The following KCNMA1 variants were observed in gnomAD, a reference collection of about 807,000 sequenced individuals.
KCNMA1 encodes the protein Calcium-activated potassium channel subunit alpha-1.
A neutral mutation model predicts 140.0 loss-of-function variants in KCNMA1; 29 were observed. The ratio of observed to expected loss-of-function variants is 0.21; its 90% CI spans 0.15 to 0.28. The LOEUF is 0.28. Ranked by LOEUF, KCNMA1 falls within the 10% of genes least tolerant of loss-of-function variation. The pLI, the probability that KCNMA1 is intolerant of heterozygous loss-of-function variation, is 1.00. For synonymous variants in KCNMA1, 612 were observed against 611.9 expected (o/e 1.00, Z 0.00); for missense variants, 880 against 1,602.2 (o/e 0.55, Z 7.70).
At chr10:77,128,694 C>T (rs970641995) in intron 5 of KCNMA1, among the ~76,000 whole-genome samples, 66 of 152,218 alleles carry the variant, frequency 4.3e-4, no homozygotes, top group African/African-American at 1.6e-3. Flanking sequence ...CACAACGACT[C>T]AACTTTGCTG....
intron 1 of KCNMA1, 62 bp from the exon 2 acceptor site, chr10:77,404,085 A>G: frequency 1.9e-6 from 3 of 1,562,282 alleles, no homozygotes; most frequent in Non-Finnish European, 2.6e-6. Context: ...AACATGCTCT[A>G]CCCATAAAGA....
chr10:77,069,414 T>A, intron 14 of KCNMA1, among the ~76,000 whole-genome samples: 1 of 152,116 alleles, frequency 6.6e-6, no homozygotes, highest in East Asian at 1.9e-4. Flanking sequence ...CCAGCTTGAG[T>A]CTCTTTCCTA....
chr10:77,411,760 A>G (rs900233795), intron 1 of KCNMA1, among the ~76,000 whole-genome samples: 3 of 152,174 alleles, frequency 2.0e-5, no homozygotes, highest in African/African-American at 7.2e-5. Context: ...CAGTTCCATC[A>G]AGGACAGAGA....
At chr10:76,910,253 G>A in intron 24 of KCNMA1, 157 bp from the exon 25 acceptor site, 2 of 753,508 alleles carry the variant, frequency 2.7e-6, no homozygotes, top group Non-Finnish European at 4.5e-6. Context: ...AAGGGGGGCA[G>A]TGGGACTCAA....
chr10:77,001,139 GGAGA>G (rs1394815586), intron 19 of KCNMA1, among the ~76,000 whole-genome samples: 1 of 151,956 alleles, frequency 6.6e-6, no homozygotes, highest in Non-Finnish European at 1.5e-5. Flanking sequence ...TTTATTTAAA[GGAGA>G]GAGAGGAAAG....
At chr10:77,049,584 A>T (rs896733672) in intron 14 of KCNMA1, among the ~76,000 whole-genome samples, 2 of 152,236 alleles carry the variant, frequency 1.3e-5, no homozygotes, top group East Asian at 3.9e-4. Context: ...GGAGCAGCAC[A>T]GTACTTTGCA....
At chr10:77,613,264 C>A (rs1877578) in intron 1 of KCNMA1, among the ~76,000 whole-genome samples, 33,320 of 152,088 alleles carry the variant, frequency 0.22, 3,937 homozygotes, top group African/African-American at 0.27. Flanking sequence ...TCCCCCACAA[C>A]CTTCCCCAGT....
intron 2 of KCNMA1, among the ~76,000 whole-genome samples, chr10:77,296,913 G>T (rs1011386997): frequency 1.4e-5 from 2 of 146,518 alleles, no homozygotes; most frequent in Admixed American, 6.8e-5. Flanking sequence ...GTGTGTGGGC[G>T]GGGGGGCGGT....
In KCNMA1 at chr10:77,515,422, A is replaced by G. The variant is rs571168761; in HGVS notation, c.379-111399T>C. Among the ~76,000 whole-genome samples, 33 of 152,184 alleles carry G rather than the reference A, an allele frequency of 2.2e-4. No homozygotes were observed. In the South Asian group the frequency reaches 4.1e-3, roughly 19 times the overall value. Reference sequence around the variant, plus strand: ...AAGCCACATGGGCTAAACCAAACACACCTGTAGACTGCCAGTTTGTCCCCT... The same window carrying G: ...AAGCCACATGGGCTAAACCAAACACGCCTGTAGACTGCCAGTTTGTCCCCT... On this transcript the variant is annotated intron_variant, in intron 1 of 27. Coordinates refer to ENST00000286628, the MANE Select transcript of KCNMA1 (RefSeq NM_001161352.2).
intron 23 of KCNMA1, among the ~76,000 whole-genome samples, chr10:76,924,857 A>G (rs946143136): frequency 6.6e-6 from 1 of 152,122 alleles, no homozygotes; most frequent in Non-Finnish European, 1.5e-5. Flanking sequence ...AGCCCAAGAA[A>G]CCCACAATGC....
At chr10:77,198,132 C>T (rs1357725611) in intron 3 of KCNMA1, among the ~76,000 whole-genome samples, 1 of 152,102 alleles carries the variant, frequency 6.6e-6, no homozygotes, top group Non-Finnish European at 1.5e-5. Flanking sequence ...TGTGAAAATT[C>T]AGGAGAAACA....
rs568407690 is a variant in KCNMA1 at position 77,370,860 on chromosome 10, A to C, written c.540+33002T>G. On this transcript the variant is annotated intron_variant, in intron 2 of 27. Coordinates refer to ENST00000286628, the MANE Select transcript of KCNMA1 (RefSeq NM_001161352.2). ...AAAAAGTAGAGTCACAGTGCCCTCT[A>C]CTTCACAGGGTTGTTTGGAGAATTA... Among the ~76,000 whole-genome samples, 3 of 152,116 alleles carry C rather than the reference A, an allele frequency of 2.0e-5. No individual in the cohort carries two copies. The South Asian group carries it at 6.2e-4, about 32-fold the overall frequency.
chr10:77,211,234 T>C (rs1282724369), intron 3 of KCNMA1, among the ~76,000 whole-genome samples: 1 of 152,022 alleles, frequency 6.6e-6, no homozygotes, highest in African/African-American at 2.4e-5. Context: ...CAAAACAGCA[T>C]GGTATTGGTA....
chr10:77,229,293 G>T (rs893676265), intron 3 of KCNMA1, among the ~76,000 whole-genome samples: 8 of 147,036 alleles, frequency 5.4e-5, no homozygotes, highest in Non-Finnish European at 1.2e-4. Context: ...TTGCAATTTG[G>T]GTATTAATTT....
intron 14 of KCNMA1, among the ~76,000 whole-genome samples, chr10:77,044,956 C>T (rs2094953852): frequency 6.6e-6 from 1 of 152,076 alleles, no homozygotes; most frequent in African/African-American, 2.4e-5. Context: ...ATATCAAAAC[C>T]GAAGCCCATC....
intron 3 of KCNMA1, among the ~76,000 whole-genome samples, chr10:77,205,563 T>G (rs963292897): frequency 1.3e-5 from 2 of 152,360 alleles, no homozygotes; most frequent in Non-Finnish European, 2.9e-5. Flanking sequence ...TAAGGCTGAA[T>G]ATATTTAAAC....
intron 1 of KCNMA1, among the ~76,000 whole-genome samples, chr10:77,483,063 C>T (rs1024259571): frequency 2.0e-5 from 3 of 148,574 alleles, no homozygotes; most frequent in Non-Finnish European, 4.4e-5. Context: ...CTGTGCCTAC[C>T]ATAGAACAAG....
intron 1 of KCNMA1, among the ~76,000 whole-genome samples, chr10:77,485,035 A>G (rs1412342359): frequency 1.3e-5 from 2 of 152,150 alleles, no homozygotes; most frequent in Non-Finnish European, 2.9e-5. Context: ...TTCTAAGCCA[A>G]TTTACTCTAA....
chr10:77,537,672 A>T (rs918544286), intron 1 of KCNMA1, among the ~76,000 whole-genome samples: 21 of 152,276 alleles, frequency 1.4e-4, no homozygotes, highest in East Asian at 3.9e-4. Flanking sequence ...AGAAAAAAAA[A>T]TTTTAAAGAA....
Sources: allele counts gnomAD v4.1 joint callset (sites outside exome capture counted in the v4.1 genomes callset), GRCh38; gene constraint gnomAD v4.1.1; transcripts MANE v1.5; gene names NCBI Gene and HGNC (gene_info 2026-07-23, HGNC 2026-07-21).